The following SYNPR variants were observed in gnomAD, a reference collection of about 807,000 sequenced individuals.
SYNPR encodes synaptoporin.
A neutral mutation model predicts 32.9 loss-of-function variants in SYNPR; 23 were observed. The ratio of observed to expected loss-of-function variants is 0.70; its 90% CI spans 0.50 to 0.99. The LOEUF is 0.99. Among genes scored for constraint, SYNPR ranks in the 50% least tolerant of loss-of-function variants. The pLI is 0.00. For missense variants in SYNPR, 318 were observed against 349.3 expected (o/e 0.91, Z 0.71); for synonymous variants, 146 against 135.9 (o/e 1.07, Z -0.52).
At chr3:63,461,420 G>A (rs373461800) in intron 2 of SYNPR, among the ~76,000 whole-genome samples, 1 of 152,230 alleles carries the variant, frequency 6.6e-6, no homozygotes, top group East Asian at 1.9e-4. Flanking sequence ...AGCAGCAGCT[G>A]CCTCCTTTTA....
At chr3:63,604,014 G>T (rs964157878) in intron 4 of SYNPR, among the ~76,000 whole-genome samples, 2 of 152,084 alleles carry the variant, frequency 1.3e-5, no homozygotes, top group Non-Finnish European at 2.9e-5. Flanking sequence ...TTATTACTGA[G>T]TCAATTTCAG....
At chr3:63,450,329 T>C (rs913076725) in intron 2 of SYNPR, among the ~76,000 whole-genome samples, 2 of 152,162 alleles carry the variant, frequency 1.3e-5, no homozygotes, top group South Asian at 4.1e-4. Flanking sequence ...ACCTTCAAAC[T>C]ATCTGATCTC....
At chr3:63,219,466 AACAGAAATATACAGTTG>A in the SYNPR span, among the ~76,000 whole-genome samples, 1 of 152,160 alleles carries the variant, frequency 6.6e-6, no homozygotes, top group African/African-American at 2.4e-5. Flanking sequence ...AGTAAGTACA[AACAGAAATATACAGTTG>A]ACCTTTTAAC....
chr3:63,228,929 TC>T (rs2086148823), intron 1 of SYNPR, among the ~76,000 whole-genome samples: 2 of 145,560 alleles, frequency 1.4e-5, no homozygotes, highest in Non-Finnish European at 3.0e-5. Context: ...CATGCGCTTC[TC>T]CAAAACAAAC....
rs148368168 is a variant in SYNPR at position 63,542,588 on chromosome 3, G to A, written c.210-13955G>A. On this transcript the variant is annotated intron_variant, in intron 3 of 5. Transcript: ENST00000478300. Reference sequence around the variant, plus strand: ...AAGTAAAATGGTCAAAGACCAAGGAGCATTTATAACTTTAGACAGGGCTCC... The same window carrying A: ...AAGTAAAATGGTCAAAGACCAAGGAACATTTATAACTTTAGACAGGGCTCC... Among the ~76,000 whole-genome samples, 904 of 152,204 alleles carry A rather than the reference G, an allele frequency of 5.9e-3. 11 individuals are homozygous for A. Among genetic ancestry groups the A allele is most frequent in the African/African-American group, 0.02 (845 of 41,532 alleles).
intron 2 of SYNPR, among the ~76,000 whole-genome samples, chr3:63,402,887 C>T (rs1049171025): frequency 6.6e-6 from 1 of 152,108 alleles, no homozygotes; most frequent in Non-Finnish European, 1.5e-5. Flanking sequence ...GCTGTGGGGG[C>T]ACACAGGATG....
chr3:63,528,437 G>A (rs553623203), intron 3 of SYNPR, among the ~76,000 whole-genome samples: 3 of 152,172 alleles, frequency 2.0e-5, no homozygotes, highest in African/African-American at 7.2e-5. Context: ...CATCTCAAGA[G>A]ACTAGACTTA....
intron 1 of SYNPR, among the ~76,000 whole-genome samples, chr3:63,239,925 T>G (rs1449463887): frequency 3.9e-5 from 6 of 152,120 alleles, no homozygotes. Flanking sequence ...TGTTTAACAA[T>G]GAAAAGATTT....
intron 3 of SYNPR, among the ~76,000 whole-genome samples, chr3:63,550,791 A>G (rs1226253224): frequency 6.6e-6 from 1 of 152,198 alleles, no homozygotes; most frequent in East Asian, 1.9e-4. Context: ...GTTTATTCTA[A>G]GAAGATCTTT....
rs142580564 is a variant in SYNPR, at chr3:63,442,899, T to C, written c.85-37933T>C. On this transcript the variant is annotated intron_variant, in intron 2 of 5. Coordinates refer to ENST00000478300, the MANE Select transcript of SYNPR (RefSeq NM_001130003.2). The stretch of plus-strand genomic sequence containing the variant: ...AACATAACAACATTTACTTAATCTA[T>C]GCAAATCTATTCGTAAGATTTTATA... Among the ~76,000 whole-genome samples, 21 of 152,328 alleles carry C rather than the reference T, an allele frequency of 1.4e-4. No individual in the cohort carries two copies. In the East Asian group the frequency reaches 4.1e-3, roughly 29 times the overall value.
At chr3:63,593,984 A>G (rs891075468) in intron 4 of SYNPR, among the ~76,000 whole-genome samples, 4 of 152,158 alleles carry the variant, frequency 2.6e-5, no homozygotes, top group African/African-American at 7.2e-5. Context: ...GACAGAAACA[A>G]CAATGGACAA....
intron 2 of SYNPR, among the ~76,000 whole-genome samples, chr3:63,380,309 G>A (rs1391059171): frequency 6.6e-6 from 1 of 152,172 alleles, no homozygotes; most frequent in African/African-American, 2.4e-5. Flanking sequence ...CACCAACAGT[G>A]TAAAAGTGTT....
chr3:63,542,508 TG>T (rs1368341678), intron 3 of SYNPR, among the ~76,000 whole-genome samples: 41 of 152,192 alleles, frequency 2.7e-4, no homozygotes, highest in Admixed American at 2.0e-4. Context: ...ATCACTCCAG[TG>T]GGCTGTCTAA....
intron 2 of SYNPR, among the ~76,000 whole-genome samples, chr3:63,402,203 C>A (rs2088301592): frequency 6.6e-6 from 1 of 152,126 alleles, no homozygotes; most frequent in Admixed American, 6.5e-5. Context: ...CATTATGGGG[C>A]TGTTCTGTGC....
chr3:63,586,939 A>C (rs1199430769), intron 4 of SYNPR, among the ~76,000 whole-genome samples: 1 of 151,988 alleles, frequency 6.6e-6, no homozygotes, highest in Non-Finnish European at 1.5e-5. Flanking sequence ...TATTGCAACC[A>C]AAAGAAATAT....
At chr3:63,306,300 C>T (rs1319448987) in intron 2 of SYNPR, among the ~76,000 whole-genome samples, 4 of 151,882 alleles carry the variant, frequency 2.6e-5, no homozygotes, top group Non-Finnish European at 4.4e-5. Context: ...AGGAGGAAAG[C>T]ATCACTCCTT....
chr3:63,235,164 C>A (rs2086192284), intron 1 of SYNPR, among the ~76,000 whole-genome samples: 3 of 152,072 alleles, frequency 2.0e-5, no homozygotes, highest in Admixed American at 2.0e-4. Flanking sequence ...TTAGCATCAC[C>A]ACAGTTGAGA....
At chr3:63,365,243 T>C (rs1274040671) in intron 2 of SYNPR, among the ~76,000 whole-genome samples, 1 of 152,140 alleles carries the variant, frequency 6.6e-6, no homozygotes, top group Non-Finnish European at 1.5e-5. Flanking sequence ...CCAAATGACA[T>C]CATAACTTTG....
chr3:63,404,559 C>A (rs967615398), intron 2 of SYNPR, among the ~76,000 whole-genome samples: 5 of 152,046 alleles, frequency 3.3e-5, no homozygotes, highest in African/African-American at 1.2e-4. Context: ...GTCAGACTGC[C>A]ATTTTTATAA....
Sources: allele counts gnomAD v4.1 joint callset (sites outside exome capture counted in the v4.1 genomes callset), GRCh38; gene constraint gnomAD v4.1.1; transcripts MANE v1.5; gene names NCBI Gene and HGNC (gene_info 2026-07-23, HGNC 2026-07-21).